ZDHHC11B: variants seen among roughly 807,000 people sequenced by gnomAD.
The protein encoded by ZDHHC11B is zDHHC palmitoyltransferase 11B (putative), also known as probable palmitoyltransferase ZDHHC11B.
A neutral mutation model predicts 42.3 loss-of-function variants in ZDHHC11B; 17 were observed. The ratio of observed to expected loss-of-function variants is 0.40; its 90% CI spans 0.27 to 0.60. The LOEUF (loss-of-function observed/expected upper bound fraction) is 0.60. ZDHHC11B is among the 20% of genes least tolerant of loss of function. The pLI, the probability that ZDHHC11B is intolerant of heterozygous loss-of-function variation, is 0.41. For synonymous variants in ZDHHC11B, 123 were observed against 193.5 expected, an observed-to-expected ratio of 0.64 and a Z score of 3.02; for missense variants, 262 against 463.2, an observed-to-expected ratio of 0.57 and a Z score of 3.99.
chr5:783,249 C>A (rs1389967179), intron 1 of ZDHHC11B, among the ~76,000 whole-genome samples: 88 of 152,228 alleles, frequency 5.8e-4, no homozygotes, highest in African/African-American at 1.8e-3. Context: ...CACAGGCCCT[C>A]CGAGGATCAC....
chr5:757,286 C>T (rs1733993834), intron 4 of ZDHHC11B, among the ~76,000 whole-genome samples: 1 of 151,868 alleles, frequency 6.6e-6, no homozygotes, highest in African/African-American at 2.4e-5. Flanking sequence ...GCCTGTGTCG[C>T]ACAGCGCTGT....
intron 7 of ZDHHC11B, among the ~76,000 whole-genome samples, chr5:749,785 G>C (rs1459456674): frequency 7.8e-6 from 1 of 128,208 alleles, no homozygotes; most frequent in African/African-American, 2.6e-5. Flanking sequence ...CCCCCACAGG[G>C]AGAGCCCAGA....
intron 1 of ZDHHC11B, among the ~76,000 whole-genome samples, chr5:777,122 CCCTGGAGTTTCTT>C (rs1736571395): frequency 6.6e-6 from 1 of 151,932 alleles, no homozygotes; most frequent in Non-Finnish European, 1.5e-5. Flanking sequence ...AAGATGGCGA[CCCTGGAGTTTCTT>C]CCTTCAGATG....
At chr5:750,941 C>CCG (rs1349092769) in intron 7 of ZDHHC11B, among the ~76,000 whole-genome samples, 192 bp downstream of exon 7, 1 of 114,948 alleles carries the variant, frequency 8.7e-6, no homozygotes, top group Non-Finnish European at 1.9e-5. Flanking sequence ...AGCCTGCCTC[C>CCG]CGCGCGCTGG....
At chr5:780,465 T>C (rs1468664461) in intron 1 of ZDHHC11B, among the ~76,000 whole-genome samples, 1 of 150,912 alleles carries the variant, frequency 6.6e-6, no homozygotes, top group Non-Finnish European at 1.5e-5. Flanking sequence ...GCGCACACTA[T>C]TGATCCACGT....
chr5:773,513 C>G (rs1365033137), intron 1 of ZDHHC11B, among the ~76,000 whole-genome samples: 4 of 151,878 alleles, frequency 2.6e-5, no homozygotes, highest in Non-Finnish European at 4.4e-5. Context: ...CTGTGCCCAC[C>G]ATCCCACATG....
chr5:775,111 C>G (rs1413933448), intron 1 of ZDHHC11B, among the ~76,000 whole-genome samples: 2 of 151,952 alleles, frequency 1.3e-5, no homozygotes, highest in African/African-American at 4.8e-5. Context: ...AGCCAGCCCT[C>G]GGCCCTGCTC....
At chr5:760,358 A>C (rs1230796336) in intron 4 of ZDHHC11B, among the ~76,000 whole-genome samples, 1 of 151,660 alleles carries the variant, frequency 6.6e-6, no homozygotes, top group Non-Finnish European at 1.5e-5. Context: ...CTTTACAAAA[A>C]CGGGAACCCA....
At chr5:715,881 G>T (rs1448410227) in intron 13 of ZDHHC11B, among the ~76,000 whole-genome samples, 1 of 151,518 alleles carries the variant, frequency 6.6e-6, no homozygotes, top group Non-Finnish European at 1.5e-5. Context: ...TGTGGGAGCT[G>T]CCTGGAGCAC....
chr5:710,519 A>T lies in ZDHHC11B; in HGVS notation c.*1771T>A, dbSNP rs575528744. The stretch of plus-strand genomic sequence containing the variant: ...GATAAGAAGTCTGGGCTAGACTGAA[A>T]AACTCAGAATCCAGGTCTGGGGTTT... On this transcript the variant is annotated 3_prime_UTR_variant, in exon 14 of 14. Transcript: ENST00000508859. The T allele has an allele frequency of 6.5e-5, 10 of 155,038 alleles. No individual in the cohort carries two copies. Among genetic ancestry groups the T allele is most frequent in the African/African-American group, 2.2e-4 (9 of 41,520 alleles). The allele number at this position is 155,038 out of a possible 1,614,324, so 9.6% of individuals were successfully genotyped here. A position where few individuals can be genotyped will look rare whatever the true frequency, so the allele number is the denominator to read the frequency against.
intron 13 of ZDHHC11B, among the ~76,000 whole-genome samples, chr5:715,389 C>A (rs548191082): frequency 1.3e-5 from 2 of 151,360 alleles, no homozygotes. Context: ...GGGAGGAGCA[C>A]GTAGACTCAG....
At chr5:723,514 G>A (rs1375716660) in intron 12 of ZDHHC11B, among the ~76,000 whole-genome samples, 1 of 119,006 alleles carries the variant, frequency 8.4e-6, no homozygotes, top group Non-Finnish European at 2.0e-5. Flanking sequence ...GTGCCAATTA[G>A]TTTCTGATCA....
intron 12 of ZDHHC11B, among the ~76,000 whole-genome samples, chr5:726,393 A>G (rs1416134779): frequency 6.7e-6 from 1 of 149,094 alleles, no homozygotes; most frequent in Non-Finnish European, 1.5e-5. Flanking sequence ...TGTGACAAAA[A>G]AAGGGTTAAT....
At chr5:759,126 C>T (rs1215159546) in intron 4 of ZDHHC11B, among the ~76,000 whole-genome samples, 4 of 151,922 alleles carry the variant, frequency 2.6e-5, no homozygotes, top group African/African-American at 9.7e-5. Context: ...CCTTTCATCA[C>T]CCAAACTGCC....
intron 12 of ZDHHC11B, among the ~76,000 whole-genome samples, chr5:724,674 C>G (rs1264999027): frequency 6.6e-6 from 1 of 150,386 alleles, no homozygotes; most frequent in African/African-American, 2.5e-5. Context: ...CACACACACA[C>G]ACACACACAC....
intron 1 of ZDHHC11B, among the ~76,000 whole-genome samples, chr5:771,778 G>C (rs1736075910): frequency 6.7e-6 from 1 of 149,966 alleles, no homozygotes. Flanking sequence ...GAACCTTCTG[G>C]GATGCTTCAA....
intron 12 of ZDHHC11B, among the ~76,000 whole-genome samples, chr5:719,502 A>G (rs1742022577): frequency 6.6e-6 from 1 of 151,458 alleles, no homozygotes; most frequent in African/African-American, 2.4e-5. Context: ...AACCAAAAAG[A>G]AACTGGAGCT....
At chr5:767,007 A>G in intron 3 of ZDHHC11B, 88 bp from the exon 4 acceptor site, 1 of 1,454,612 alleles carries the variant, frequency 6.9e-7, no homozygotes, top group South Asian at 1.2e-5. Context: ...GGGGACTGGG[A>G]ACATGGCCCC....
At chr5:756,796 C>A (rs984115974) in intron 4 of ZDHHC11B, among the ~76,000 whole-genome samples, 1 of 151,628 alleles carries the variant, frequency 6.6e-6, no homozygotes, top group South Asian at 2.1e-4. Flanking sequence ...CCTACCCGCT[C>A]CCTCTAGACC....
Sources: allele counts gnomAD v4.1 joint callset (sites outside exome capture counted in the v4.1 genomes callset), GRCh38; gene constraint gnomAD v4.1.1; transcripts MANE v1.5; gene names NCBI Gene and HGNC (gene_info 2026-07-23, HGNC 2026-07-21).